Variants in DLG2 observed in about 807,000 individuals in gnomAD.
DLG2 encodes the protein disks large homolog 2.
DLG2 carries 45 observed loss-of-function variants against 132.5 expected under a neutral mutation model. The observed-to-expected ratio is 0.34, with a 90% CI of 0.27 to 0.44. The LOEUF (loss-of-function observed/expected upper bound fraction) is 0.44. Among genes scored for constraint, DLG2 ranks in the 20% least tolerant of loss-of-function variants. The probability of loss-of-function intolerance (pLI) is 1.00; values close to 1 mark genes in which losing one functional copy is unlikely to be tolerated. For synonymous variants in DLG2, 424 were observed against 419.6 expected (o/e 1.01, Z -0.13); for missense variants, 1,045 against 1,196.9 (o/e 0.87, Z 1.87).
chr11:83,704,535 G>A (rs145838267), intron 18 of DLG2, among the ~76,000 whole-genome samples: 4 of 151,540 alleles, frequency 2.6e-5, no homozygotes, highest in African/African-American at 9.7e-5. Context: ...TGTATAATTT[G>A]ACCGACTGAG....
chr11:84,997,753 A>T (rs1330649479), intron 6 of DLG2: 1 of 152,234 alleles, frequency 6.6e-6, no homozygotes, highest in Non-Finnish European at 1.5e-5. Flanking sequence ...AATAATCACC[A>T]GCCTCTTTAG....
At chr11:84,294,015 C>A (rs2098049894) in intron 7 of DLG2, among the ~76,000 whole-genome samples, 1 of 152,166 alleles carries the variant, frequency 6.6e-6, no homozygotes, top group Non-Finnish European at 1.5e-5. Flanking sequence ...CATGTAATAG[C>A]AGCCATATAA....
intron 4 of DLG2, among the ~76,000 whole-genome samples, chr11:85,170,578 A>C (rs1277060165): frequency 1.3e-5 from 2 of 152,164 alleles, no homozygotes; most frequent in Admixed American, 6.5e-5. Context: ...AAAGTACCAT[A>C]ATTTGAGGTA....
chr11:83,516,649 G>T (rs1239018703), intron 21 of DLG2, among the ~76,000 whole-genome samples: 8 of 152,144 alleles, frequency 5.3e-5, no homozygotes. Context: ...GCATGATTTT[G>T]CAGTGGCTGG....
rs185399614 is a variant in DLG2 at position 84,935,645 on chromosome 11, G to C, written c.357+176016C>G. 7.9e-5 allele frequency among the ~76,000 whole-genome samples: 12 copies of C among 152,232 alleles called. No individual in the cohort carries two copies. The East Asian group carries it at 1.5e-3, about 20-fold the overall frequency. On this transcript the variant is annotated intron_variant, in intron 6 of 27. Transcript: ENST00000376104. Reference sequence around the variant, plus strand: ...ACACACTTTTGGTTATTATAACTGGGGAAGAGTGTTATTGGCATCTAATGG... The same window carrying C: ...ACACACTTTTGGTTATTATAACTGGCGAAGAGTGTTATTGGCATCTAATGG...
intron 6 of DLG2, chr11:84,545,174 C>A: frequency 2.2e-6 from 1 of 452,946 alleles, no homozygotes. Flanking sequence ...CTACTGGAAC[C>A]ACGAGAGCCT....
intron 19 of DLG2, among the ~76,000 whole-genome samples, chr11:83,620,175 T>C (rs2061408317): frequency 6.6e-6 from 1 of 152,238 alleles, no homozygotes; most frequent in East Asian, 1.9e-4. Flanking sequence ...AAAAAGTACA[T>C]GAGGTAAGCA....
chr11:84,662,585 G>A (rs79420319), intron 6 of DLG2, among the ~76,000 whole-genome samples: 8,717 of 150,194 alleles, frequency 0.058, 286 homozygotes, highest in South Asian at 0.086. Flanking sequence ...TTGGGAGTTC[G>A]AGACCAGTCC....
At chr11:85,491,997 A>G (rs954567796) in intron 3 of DLG2, among the ~76,000 whole-genome samples, 3 of 149,342 alleles carry the variant, frequency 2.0e-5, no homozygotes, top group Non-Finnish European at 4.4e-5. Context: ...GAAATATACT[A>G]CAAAGCTAGA....
intron 16 of DLG2, among the ~76,000 whole-genome samples, chr11:83,849,538 C>T (rs978319870): frequency 6.6e-6 from 1 of 151,448 alleles, no homozygotes; most frequent in Non-Finnish European, 1.5e-5. Context: ...AAAAGAGATA[C>T]ATAAAAATTG....
intron 17 of DLG2, among the ~76,000 whole-genome samples, chr11:83,811,133 T>C (rs1298322984): frequency 6.6e-6 from 1 of 152,116 alleles, no homozygotes; most frequent in African/African-American, 2.4e-5. Context: ...GATAGGAATA[T>C]CTACTTCAAA....
chr11:83,912,726 T>C (rs1258218312), intron 15 of DLG2, among the ~76,000 whole-genome samples: 1 of 152,124 alleles, frequency 6.6e-6, no homozygotes, highest in East Asian at 1.9e-4. Flanking sequence ...ATACTGATAT[T>C]TGTATGTGTA....
intron 4 of DLG2, among the ~76,000 whole-genome samples, chr11:85,275,067 A>G (rs1436063739): frequency 2.0e-5 from 3 of 152,176 alleles, no homozygotes; most frequent in Non-Finnish European, 4.4e-5. Context: ...AATTTTATCA[A>G]ATAAATTTGT....
At chr11:83,555,076 C>T (rs1199961577) in intron 19 of DLG2, among the ~76,000 whole-genome samples, 1 of 152,160 alleles carries the variant, frequency 6.6e-6, no homozygotes, top group African/African-American at 2.4e-5. Context: ...CTGGAGGGAC[C>T]AGGTTGGGAA....
intron 8 of DLG2, among the ~76,000 whole-genome samples, chr11:84,209,161 T>C (rs1325343944): frequency 1.3e-5 from 2 of 152,220 alleles, no homozygotes; most frequent in Non-Finnish European, 2.9e-5. Context: ...CCTCATGTGA[T>C]GTATTGAGAA....
At chr11:84,735,848 A>G (rs1173288557) in intron 6 of DLG2, among the ~76,000 whole-genome samples, 1 of 151,940 alleles carries the variant, frequency 6.6e-6, no homozygotes. Flanking sequence ...AGTTTTTCAC[A>G]GTCTGTGGTT....
intron 12 of DLG2, among the ~76,000 whole-genome samples, chr11:83,970,616 G>A (rs888209955): frequency 3.3e-5 from 5 of 152,144 alleles, no homozygotes; most frequent in Admixed American, 3.3e-4. Context: ...TGTGATTTGG[G>A]GAGACTTGTT....
At chr11:85,101,599 C>T (rs349085) in intron 6 of DLG2, among the ~76,000 whole-genome samples, 83,175 of 151,816 alleles carry the variant, frequency 0.55, 23,294 homozygotes, top group East Asian at 0.73. Flanking sequence ...AACAGAAGTA[C>T]TGAATTGGAA....
intron 21 of DLG2, among the ~76,000 whole-genome samples, chr11:83,487,842 C>T (rs1392162990): frequency 6.6e-6 from 1 of 151,910 alleles, no homozygotes; most frequent in African/African-American, 2.4e-5. Context: ...CCATGAACGG[C>T]AATTAAAAGG....
Sources: gnomAD v4.1 joint callset for allele counts (sites outside exome capture counted in the v4.1 genomes callset) on GRCh38, gnomAD v4.1.1 for gene constraint, MANE v1.5 for transcripts, NCBI Gene and HGNC (gene_info 2026-07-23, HGNC 2026-07-21) for gene names.